The following CDH4 variants were observed in gnomAD, a reference collection of about 807,000 sequenced individuals.
The protein encoded by CDH4 is cadherin 4.
A neutral mutation model predicts 86.0 loss-of-function variants in CDH4; 33 were observed. That is an observed-to-expected ratio of 0.38 (90% CI 0.29 to 0.51). The LOEUF (loss-of-function observed/expected upper bound fraction) is 0.51. CDH4 is among the 20% of genes least tolerant of loss of function. The probability of loss-of-function intolerance (pLI) is 0.86; values close to 1 mark genes in which losing one functional copy is unlikely to be tolerated. For missense variants in CDH4, 1,114 were observed against 1,307.4 expected, an observed-to-expected ratio of 0.85 and a Z score of 2.28; for synonymous variants, 555 against 549.4, an observed-to-expected ratio of 1.01 and a Z score of -0.14.
chr20:61,795,863 A>G (rs62206270), intron 4 of CDH4, among the ~76,000 whole-genome samples: 6 of 31,648 alleles, frequency 1.9e-4, no homozygotes, highest in East Asian at 8.4e-4. Flanking sequence ...GAATGAATGA[A>G]TGAGTGGATG....
intron 12 of CDH4, among the ~76,000 whole-genome samples, chr20:61,929,280 G>A (rs1220770499): frequency 6.6e-6 from 1 of 152,008 alleles, no homozygotes; most frequent in African/African-American, 2.4e-5. Context: ...TGAGATCACA[G>A]GCTTGCACCA....
At chr20:61,847,344 G>A (rs555137719) in intron 5 of CDH4, among the ~76,000 whole-genome samples, 5 of 152,326 alleles carry the variant, frequency 3.3e-5, no homozygotes, top group East Asian at 3.9e-4. Context: ...CCACAGCAGG[G>A]GTCCGGCTGT....
chr20:61,402,998 A>T (rs1011349994), intron 2 of CDH4, among the ~76,000 whole-genome samples: 4 of 152,216 alleles, frequency 2.6e-5, no homozygotes, highest in Non-Finnish European at 5.9e-5. Context: ...TCACCCTGTC[A>T]CTAAGTGCTG....
rs572619562 is a variant in CDH4 at position 61,663,908 on chromosome 20, C to T, written c.170-79655C>T. Among the ~76,000 whole-genome samples the T allele has an allele frequency of 6.6e-6, 1 of 152,318 alleles. No individual in the cohort carries two copies. The highest frequency in any genetic ancestry group is 1.9e-4 in the East Asian group (1 of 5,166). On this transcript the variant is annotated intron_variant, in intron 2 of 15. Transcript: ENST00000614565. This position sits in a 1 kb window ranked among gnomAD's most constrained non-coding sequence, Gnocchi z 5.0. The stretch of plus-strand genomic sequence containing the variant: ...CCCACCGCTGGCGCCAGCATCTGTG[C>T]CCGCGGCAGTTTAGAGTGACACTGT...
intron 4 of CDH4, among the ~76,000 whole-genome samples, chr20:61,799,820 A>G (rs560369747): frequency 5.6e-4 from 85 of 152,298 alleles, no homozygotes; most frequent in Non-Finnish European, 1.1e-3. Context: ...ACTGATGCTC[A>G]GCCCAAAAGG....
intron 4 of CDH4, among the ~76,000 whole-genome samples, chr20:61,821,208 A>G (rs1028433926): frequency 1.5e-4 from 6 of 40,890 alleles, no homozygotes; most frequent in African/African-American, 5.1e-4. Flanking sequence ...CAGTCCCCTC[A>G]CTCCCCATGC....
chr20:61,273,349 G>A (rs2084197063), intron 2 of CDH4, among the ~76,000 whole-genome samples: 1 of 136,002 alleles, frequency 7.4e-6, no homozygotes, highest in Admixed American at 7.7e-5. Context: ...ACCTTGTGCA[G>A]TTTGGGGGAG....
rs984483860 is a variant in CDH4 at position 61,798,431 on chromosome 20, C to T, written c.576+25249C>T. 1.2e-4 allele frequency among the ~76,000 whole-genome samples: 18 copies of T among 152,228 alleles called. No individual in the cohort carries two copies. In the South Asian group the frequency reaches 1.2e-3, roughly 11 times the overall value. On this transcript the variant is annotated intron_variant, in intron 4 of 15. Coordinates refer to ENST00000614565, the MANE Select transcript of CDH4 (RefSeq NM_001794.5). ...CCGCTCCTTTCCTGCTACCTCCGTG[C>T]GCAGCAGGCCTTGTGGGGTGTGGTC...
At chr20:61,415,227 G>A (rs2243584) in intron 2 of CDH4, among the ~76,000 whole-genome samples, 54,920 of 152,042 alleles carry the variant, frequency 0.36, 11,678 homozygotes, top group South Asian at 0.5. Flanking sequence ...GCAGGAGCTC[G>A]GGTTGAAGAA....
chr20:61,260,388 C>T (rs1185914332), intron 2 of CDH4, among the ~76,000 whole-genome samples: 4 of 152,154 alleles, frequency 2.6e-5, no homozygotes, highest in African/African-American at 9.7e-5. Flanking sequence ...TATATTAAGC[C>T]GGGACTATCT....
At chr20:61,385,785 A>C (rs564279204) in intron 2 of CDH4, among the ~76,000 whole-genome samples, 1 of 151,672 alleles carries the variant, frequency 6.6e-6, no homozygotes, top group South Asian at 2.1e-4. Context: ...GAGAAGCCGT[A>C]CTCCCCTCCT....
chr20:61,631,445 G>C lies in CDH4; in HGVS notation c.170-112118G>C, dbSNP rs142478296. Among the ~76,000 whole-genome samples, 7 of 152,296 alleles carry C rather than the reference G, an allele frequency of 4.6e-5. 1 individual carries two copies. Among genetic ancestry groups the C allele is most frequent in the African/African-American group, 1.7e-4 (7 of 41,550 alleles). ...ATCTGAGGTCAGGGATTCGAAACCA[G>C]CCTGGCCAACATGGCGAAAACCCCT... On this transcript the variant is annotated intron_variant, in intron 2 of 15. Transcript: ENST00000614565.
In CDH4 at chr20:61,393,148, C is replaced by T. The variant is rs1314111802; in HGVS notation, c.169+138211C>T. Among the ~76,000 whole-genome samples the T allele has an allele frequency of 6.6e-6, 1 of 151,986 alleles. No homozygotes were observed. On this transcript the variant is annotated intron_variant, in intron 2 of 15. Transcript: ENST00000614565. This position sits in a 1 kb window ranked among gnomAD's most constrained non-coding sequence, Gnocchi z 4.3. ...TTTATTATCTCATCTGACCTGAGGG[C>T]CTTCATTTGGTTTATACAGAGCAGT... is the stretch of plus-strand genomic sequence containing the variant.
rs114432129 is a variant in CDH4, at chr20:61,501,282, C to T, written c.170-242281C>T. Among the ~76,000 whole-genome samples, 186 of 152,214 alleles carry T rather than the reference C, an allele frequency of 1.2e-3. 1 individual carries two copies. The highest frequency in any genetic ancestry group is 4.3e-3 in the African/African-American group (177 of 41,520). On this transcript the variant is annotated intron_variant, in intron 2 of 15. Coordinates refer to ENST00000614565, the MANE Select transcript of CDH4 (RefSeq NM_001794.5). The surrounding 1 kb of genome is among the most constrained non-coding windows in gnomAD (Gnocchi z 4.2). The stretch of plus-strand genomic sequence containing the variant: ...ATCATTCCTTGAAGCCTGCAGCCTG[C>T]GATAATACAGCTAATACATTATTGC...
chr20:61,625,055 G>A (rs2086817388), intron 2 of CDH4, among the ~76,000 whole-genome samples: 1 of 152,206 alleles, frequency 6.6e-6, no homozygotes, highest in African/African-American at 2.4e-5. Flanking sequence ...TTGTTTCCGA[G>A]TCATGGGGCT....
At chr20:61,327,619 C>T (rs1390754094) in intron 2 of CDH4, among the ~76,000 whole-genome samples, 10 of 152,094 alleles carry the variant, frequency 6.6e-5, no homozygotes, top group East Asian at 1.9e-4. Flanking sequence ...GTAGGGAAAT[C>T]GATTCTCGTG....
intron 2 of CDH4, among the ~76,000 whole-genome samples, chr20:61,318,612 G>T (rs182297899): frequency 1.1e-4 from 17 of 152,306 alleles, no homozygotes; most frequent in African/African-American, 3.8e-4. Context: ...GGCCTGGTTC[G>T]TGCCCAGGAG....
At chr20:61,537,790 G>A (rs931549969) in intron 2 of CDH4, among the ~76,000 whole-genome samples, 1 of 152,200 alleles carries the variant, frequency 6.6e-6, no homozygotes, top group African/African-American at 2.4e-5. Context: ...GCCTCATTGA[G>A]TTGGAAGCCA....
intron 4 of CDH4, among the ~76,000 whole-genome samples, chr20:61,808,051 G>A (rs770938602): frequency 6.6e-6 from 1 of 152,226 alleles, no homozygotes; most frequent in South Asian, 2.1e-4. Flanking sequence ...CAAGGGAGCT[G>A]AGACCAGCAA....
Sources: allele counts gnomAD v4.1 joint callset (sites outside exome capture counted in the v4.1 genomes callset), GRCh38; gene constraint gnomAD v4.1.1; non-coding constraint Gnocchi (gnomAD v3.1); transcripts MANE v1.5; gene names NCBI Gene and HGNC (gene_info 2026-07-23, HGNC 2026-07-21).